PRKCB: variants seen among roughly 807,000 people sequenced by gnomAD.
PRKCB encodes the protein protein kinase C beta.
PRKCB carries 13 observed loss-of-function variants against 81.5 expected under a neutral mutation model. That is an observed-to-expected ratio of 0.16 (90% CI 0.10 to 0.25). The LOEUF (loss-of-function observed/expected upper bound fraction) is 0.25. Ranked by LOEUF, PRKCB falls within the 10% of genes least tolerant of loss-of-function variation. The pLI, the probability that PRKCB is intolerant of heterozygous loss-of-function variation, is 1.00. For missense variants in PRKCB, 509 were observed against 875.7 expected, an observed-to-expected ratio of 0.58 and a Z score of 5.29; for synonymous variants, 335 against 321.4, an observed-to-expected ratio of 1.04 and a Z score of -0.45.
intron 1 of PRKCB, chr16:23,837,134 C>T (rs1335425670): frequency 3.4e-6 from 2 of 596,676 alleles, no homozygotes; most frequent in Non-Finnish European, 5.9e-6. Flanking sequence ...AAACGCTCCC[C>T]ACTATCCCGC....
At chr16:23,888,658 C>A (rs115872010) in intron 2 of PRKCB, among the ~76,000 whole-genome samples, 9,693 of 152,178 alleles carry the variant, frequency 0.064, 1,002 homozygotes, top group African/African-American at 0.22. Context: ...CCTCTGCCAC[C>A]CTCGTCATGT....
In PRKCB at chr16:24,154,855, A is replaced by G. The variant is rs369508594; in HGVS notation, c.1237A>G (p.Met413Val). 2 of 1,613,352 alleles carry G rather than the reference A, an allele frequency of 1.2e-6. No individual in the cohort carries two copies. Among genetic ancestry groups the G allele is most frequent in the Non-Finnish European group, 1.7e-6 (2 of 1,179,726 alleles). Residue 413 changes from methionine (M) to valine (V), a missense_variant and splice_region_variant, in exon 10 of 17, where the codon ATG (methionine) becomes GTG (valine). Met to Val is a conservative substitution (Grantham distance 21, BLOSUM62 1). Around this residue, in one of 6 missense-constraint regions of PRKCB, gnomAD observed 106 missense variants for 214.0 expected, o/e 0.50. Coordinates refer to ENST00000643927, the MANE Select transcript of PRKCB (RefSeq NM_002738.7). Reference sequence around the variant, plus strand: ...CCAGCTCCACTCCTGCTTCCAGACCATGGTAACTTGTCCCATGGCCCTGGG... The same window carrying G: ...CCAGCTCCACTCCTGCTTCCAGACCGTGGTAACTTGTCCCATGGCCCTGGG... Reference protein sequence around the residue: ...LTQLHSCFQTMDRLYFVMEYV... With the variant: ...LTQLHSCFQTVDRLYFVMEYV...
intron 5 of PRKCB, among the ~76,000 whole-genome samples, chr16:24,076,494 G>A (rs949723917): frequency 5.3e-5 from 8 of 152,132 alleles, no homozygotes; most frequent in African/African-American, 1.9e-4. Context: ...TTTCAGAACT[G>A]AGAAGTCAGA....
chr16:24,182,687 C>A (rs1231721515), intron 13 of PRKCB, among the ~76,000 whole-genome samples: 1 of 152,102 alleles, frequency 6.6e-6, no homozygotes, highest in Non-Finnish European at 1.5e-5. Context: ...CATGACAAAG[C>A]CTGACCTGCT....
intron 2 of PRKCB, among the ~76,000 whole-genome samples, chr16:23,974,241 A>C (rs1964596972): frequency 6.6e-6 from 1 of 152,084 alleles, no homozygotes; most frequent in Admixed American, 6.6e-5. Flanking sequence ...GGCTTGGGGC[A>C]TGTTCTGTTC....
chr16:24,193,289 A>G (rs1361815622), intron 16 of PRKCB, among the ~76,000 whole-genome samples: 6 of 151,842 alleles, frequency 4.0e-5, no homozygotes, highest in Non-Finnish European at 7.4e-5. Context: ...CTAAAAAAGT[A>G]CAAAAAATAG....
chr16:24,190,503 T>A (rs1967773327), intron 15 of PRKCB, among the ~76,000 whole-genome samples: 2 of 151,574 alleles, frequency 1.3e-5, no homozygotes, highest in African/African-American at 4.8e-5. Context: ...TTTTTTTTTT[T>A]TTGGTTGTTT....
chr16:24,170,515 G>A (rs1284011557), intron 10 of PRKCB, among the ~76,000 whole-genome samples: 4 of 151,954 alleles, frequency 2.6e-5, no homozygotes, highest in Admixed American at 6.6e-5. Flanking sequence ...GTAGCGTAAA[G>A]GAGAGATTTC....
At chr16:24,174,772 G>T in intron 12 of PRKCB, 192 bp downstream of exon 12, 1 of 509,482 alleles carries the variant, frequency 2.0e-6, no homozygotes, top group Non-Finnish European at 3.5e-6. Context: ...CTATATGGTG[G>T]TAGAAAATCT....
intron 3 of PRKCB, among the ~76,000 whole-genome samples, chr16:24,006,433 G>A (rs575624165): frequency 7.2e-5 from 11 of 152,334 alleles, no homozygotes; most frequent in African/African-American, 2.6e-4. Context: ...CTCCCCATCC[G>A]AGGATAGTAA....
At chr16:23,933,785 TCCA>T (rs1964014200) in intron 2 of PRKCB, among the ~76,000 whole-genome samples, 1 of 148,162 alleles carries the variant, frequency 6.7e-6, no homozygotes, top group Non-Finnish European at 1.5e-5. Flanking sequence ...CATCCATCCA[TCCA>T]TCCATCCATC....
At chr16:23,875,480 GATATAT>G (rs71381624) in intron 2 of PRKCB, among the ~76,000 whole-genome samples, 3 of 4,648 alleles carry the variant, frequency 6.5e-4, no homozygotes, top group Non-Finnish European at 1.0e-3. Context: ...CAACTAAAAA[GATATAT>G]ATATATATAT....
chr16:23,883,446 C>T (rs566538913), intron 2 of PRKCB, among the ~76,000 whole-genome samples: 2 of 152,216 alleles, frequency 1.3e-5, no homozygotes, highest in South Asian at 4.1e-4. Context: ...TAAGGGGCCC[C>T]ACAGGATGAG....
chr16:24,165,767 A>T (rs1348456178), intron 10 of PRKCB, among the ~76,000 whole-genome samples: 2 of 152,136 alleles, frequency 1.3e-5, no homozygotes, highest in South Asian at 2.1e-4. Context: ...TAAAATTTTT[A>T]AAATAATTGT....
At chr16:23,841,411 C>A (rs1277171323) in intron 2 of PRKCB, among the ~76,000 whole-genome samples, 5 of 151,828 alleles carry the variant, frequency 3.3e-5, no homozygotes, top group African/African-American at 7.3e-5. Flanking sequence ...GAACTTAGGA[C>A]CTGCATTTGA....
chr16:23,998,755 T>G (rs1338954019), intron 3 of PRKCB, among the ~76,000 whole-genome samples: 1 of 152,200 alleles, frequency 6.6e-6, no homozygotes, highest in East Asian at 1.9e-4. Context: ...AGTGCACACA[T>G]GCTGAGCAGC....
At chr16:23,926,709 C>T (rs1278782355) in intron 2 of PRKCB, among the ~76,000 whole-genome samples, 2 of 150,632 alleles carry the variant, frequency 1.3e-5, no homozygotes, top group Non-Finnish European at 3.0e-5. Context: ...TTTCTTTATC[C>T]AGTCATCCAT....
In PRKCB at chr16:24,174,253, T is replaced by C. The variant is rs1967492359; in HGVS notation, c.1332-265T>C. On this transcript the variant is annotated intron_variant, in intron 11 of 16. Transcript: ENST00000643927. ...AGTGAAACTATAATCCTTCATCCAG[T>C]TCATCATATCCCATGTCCCCTTCTC... The C allele has an allele frequency of 2.2e-5, 8 of 371,242 alleles. No homozygotes were observed. In the South Asian group the frequency reaches 5.7e-4, roughly 26 times the overall value. The allele number at this position is 371,242 out of a possible 1,614,324, so 23.0% of individuals were successfully genotyped here.
At chr16:24,059,865 C>T (rs1175956084) in intron 5 of PRKCB, among the ~76,000 whole-genome samples, 3 of 152,096 alleles carry the variant, frequency 2.0e-5, no homozygotes, top group Non-Finnish European at 4.4e-5. Context: ...GGTCATTTAA[C>T]TTAGGGACTT....
Sources: allele counts gnomAD v4.1 joint callset (sites outside exome capture counted in the v4.1 genomes callset), GRCh38; gene constraint gnomAD v4.1.1; regional missense constraint gnomAD v4.1.1; transcripts MANE v1.5; gene names NCBI Gene and HGNC (gene_info 2026-07-23, HGNC 2026-07-21).